The following GBP6 variants were observed in gnomAD, a reference collection of about 807,000 sequenced individuals.
GBP6 encodes guanylate-binding protein 6.
In GBP6, 54 loss-of-function variants were observed where a neutral mutation model predicts 61.5. The observed-to-expected ratio is 0.88, with a 90% CI of 0.71 to 1.10. The LOEUF is 1.10. GBP6 is among the 50% of genes least tolerant of loss of function. The pLI is 0.00. For synonymous variants in GBP6, 255 were observed against 273.7 expected (o/e 0.93, Z 0.67); for missense variants, 748 against 752.8 (o/e 0.99, Z 0.07).
chr1:89,379,958 T>G (rs184854863), intron 5 of GBP6, among the ~76,000 whole-genome samples: 6 of 152,286 alleles, frequency 3.9e-5, no homozygotes, highest in African/African-American at 9.6e-5. Flanking sequence ...GGCAACATAG[T>G]GAGACCCTGT....
Position 89,385,279 on chromosome 1 carries a change from T to A in GBP6, c.1712T>A (p.Met571Lys). The A allele has an allele frequency of 1.2e-6, 2 of 1,613,806 alleles. No homozygotes were observed. The highest frequency in any genetic ancestry group is 1.7e-6 in the Non-Finnish European group (2 of 1,179,684). ...GGATTTAAGAAGAAGTATGAGGAGA[T>A]GAATGCAGAGATAAGTCAATTTAAA... ...HEGFKKKYEE[M>K]NAEISQFKRM... The change falls in exon 11 of 11, where the codon ATG becomes AAG. Residue 571 changes from methionine (M) to lysine (K), a missense_variant. Physicochemically the swap from Met to Lys is moderately conservative, Grantham distance 95. Coordinates refer to ENST00000370456, the MANE Select transcript of GBP6 (RefSeq NM_198460.3).
intron 3 of GBP6, among the ~76,000 whole-genome samples, chr1:89,376,193 T>C (rs1408445523): frequency 6.6e-6 from 1 of 152,218 alleles, no homozygotes. Flanking sequence ...TTAAAATTCA[T>C]TCATCTGTTA....
At chr1:89,378,681 T>C (rs183892575) in intron 5 of GBP6, 68 bp downstream of exon 5, 245 of 1,224,164 alleles carry the variant, frequency 2.0e-4, no homozygotes, top group Non-Finnish European at 2.6e-4. Context: ...CTGCCCATCA[T>C]CTCTGGGGTT....
intron 3 of GBP6, among the ~76,000 whole-genome samples, chr1:89,373,992 C>T (rs1029465653): frequency 6.6e-6 from 1 of 151,940 alleles, no homozygotes; most frequent in African/African-American, 2.4e-5. Flanking sequence ...ATGCTATTCT[C>T]GTGATAGTGA....
intron 10 of GBP6, 146 bp downstream of exon 10, chr1:89,384,432 TC>T: frequency 3.2e-6 from 2 of 623,568 alleles, no homozygotes; most frequent in Non-Finnish European, 2.7e-6. Context: ...ATCCTTTTTT[TC>T]TTAATTGTTT....
Position 89,384,239 on chromosome 1 carries a change from G to T in GBP6, c.1615G>T (p.Glu539Ter), listed in dbSNP as rs760690058. 6.2e-7 allele frequency: 1 copy of T among 1,614,036 alleles called. No individual in the cohort carries two copies. The highest frequency in any genetic ancestry group is 1.1e-5 in the South Asian group (1 of 91,072). ...QLKEKLQMER[E>*]HLLREQIMML... The stretch of plus-strand genomic sequence containing the variant: ...GAAGGAGAAGCTGCAGATGGAGAGA[G>T]AACACCTACTGAGAGAGCAGATTAT... The change falls in exon 10 of 11, where the codon GAA (glutamate) becomes TAA (stop). Residue 539 changes from glutamate to a stop codon, truncating the protein, a stop_gained. Coordinates refer to ENST00000370456, the MANE Select transcript of GBP6 (RefSeq NM_198460.3). LOFTEE classifies it low-confidence loss of function (END_TRUNC).
rs1323264521 is a variant in GBP6 at position 89,387,509 on chromosome 1, C to G, written c.*2040C>G. Among the ~76,000 whole-genome samples, 1 of 152,294 alleles carries G rather than the reference C, an allele frequency of 6.6e-6. No individual in the cohort carries two copies. Among genetic ancestry groups the G allele is most frequent in the East Asian group, 1.9e-4 (1 of 5,190 alleles). On this transcript the variant is annotated 3_prime_UTR_variant, in exon 11 of 11. Coordinates refer to ENST00000370456, the MANE Select transcript of GBP6 (RefSeq NM_198460.3). The stretch of plus-strand genomic sequence containing the variant: ...GGCATAGGTTGTGCTAAATAAGCTT[C>G]TTTTATAAAAACAATAGGCTGATGC...
rs889118299 is a variant in GBP6 at position 89,388,055 on chromosome 1, G to T, written c.*2586G>T. ...TCTCTGTGAAACTGGGCCAAAGATA[G>T]AATTTTTTTTTCTGTGCTTTATACA... is the stretch of plus-strand genomic sequence containing the variant. On this transcript the variant is annotated 3_prime_UTR_variant, in exon 11 of 11. Transcript: ENST00000370456. Among the ~76,000 whole-genome samples the T allele has an allele frequency of 6.6e-6, 1 of 152,158 alleles. No individual in the cohort carries two copies. The highest frequency in any genetic ancestry group is 1.9e-4 in the East Asian group (1 of 5,200).
intron 8 of GBP6, 79 bp downstream of exon 8, chr1:89,382,955 G>C: frequency 1.2e-6 from 1 of 856,060 alleles, no homozygotes; most frequent in Non-Finnish European, 1.9e-6. Flanking sequence ...GGTAATAAGA[G>C]AGCAGAGGGA....
At chr1:89,369,718 A>C in intron 3 of GBP6, 45 bp downstream of exon 3, 2 of 1,574,188 alleles carry the variant, frequency 1.3e-6, no homozygotes, top group Non-Finnish European at 8.6e-7. Context: ...TCCAGACGTG[A>C]TCCTTGTAAT....
At position 89,380,696 on chromosome 1, in the gene GBP6, C is replaced by G. The variant is rs1007978948; in HGVS notation, c.871+65C>G. On this transcript the variant is annotated intron_variant, in intron 6 of 10. Transcript: ENST00000370456. ...GTTGAATATATTGTATAATGTGTTT[C>G]TCAGAATTTTTGTTAGATTCCATAT... 3 of 1,505,556 alleles carry G rather than the reference C, an allele frequency of 2.0e-6. No homozygotes were observed. In the African/African-American group the frequency reaches 4.2e-5, roughly 21 times the overall value. The allele number at this position is 1,505,556 out of a possible 1,614,324, so 93.3% of individuals were successfully genotyped here.
At chr1:89,371,525 A>T (rs1318290589) in intron 3 of GBP6, among the ~76,000 whole-genome samples, 1 of 152,212 alleles carries the variant, frequency 6.6e-6, no homozygotes, top group Non-Finnish European at 1.5e-5. Context: ...AAATCAATAA[A>T]CATAATCCAG....
chr1:89,369,515 C>G (rs760676094), intron 2 of GBP6, 31 bp from the exon 3 acceptor site: 1 of 1,606,670 alleles, frequency 6.2e-7, no homozygotes, highest in African/African-American at 1.3e-5. Context: ...CTCTGCTGTC[C>G]CTGTGCTTAG....
chr1:89,381,874 A>T lies in GBP6; in HGVS notation c.1052A>T (p.Glu351Val). ...RVKLPTDTLQELLDMHAACER... is the reference protein window; with the variant it reads ...RVKLPTDTLQVLLDMHAACER... ...AAGCTCCCCACAGACACGCTCCAGGAGCTGCTGGACATGCATGCGGCCTGT... is the reference window on the plus strand; with the variant it reads ...AAGCTCCCCACAGACACGCTCCAGGTGCTGCTGGACATGCATGCGGCCTGT... The change falls in exon 7 of 11, where the codon GAG becomes GTG. Residue 351 changes from glutamate to valine, a missense_variant. Transcript: ENST00000370456. 1 of 1,614,116 alleles carries T rather than the reference A, an allele frequency of 6.2e-7. No homozygotes were observed. The highest frequency in any genetic ancestry group is 1.1e-5 in the South Asian group (1 of 91,080).
chr1:89,383,594 C>T, intron 8 of GBP6, 58 bp from the exon 9 acceptor site: 1 of 1,227,964 alleles, frequency 8.1e-7, no homozygotes, highest in Non-Finnish European at 1.2e-6. Context: ...TCTTGCAACA[C>T]TAATACCCAG....
chr1:89,368,766 C>T (rs769414363), intron 2 of GBP6, 25 bp downstream of exon 2: 3 of 1,590,520 alleles, frequency 1.9e-6, no homozygotes, highest in Non-Finnish European at 2.6e-6. Flanking sequence ...GGGACACAGG[C>T]CAGTTGCTTG....
chr1:89,364,888 G>A (rs995005992), intron 1 of GBP6, among the ~76,000 whole-genome samples: 11 of 151,060 alleles, frequency 7.3e-5, no homozygotes, highest in African/African-American at 9.8e-5. Context: ...CTATCAATCC[G>A]TCATCTAGGT....
rs749611563 is a variant in GBP6, at chr1:89,380,397, A to G, written c.637A>G (p.Arg213Gly). The change falls in exon 6 of 11, where the codon AGA becomes GGA. Residue 213 changes from arginine to glycine, a missense_variant. Arg to Gly is a moderately radical substitution (Grantham distance 125). Transcript: ENST00000370456. ...ALKLIQGNNP[R>G]VQTSNFPREC... ...TTTTTATCCCTCAGGCAATAATCCC[A>G]GAGTTCAAACATCCAATTTTCCCAG... The G allele has an allele frequency of 5.0e-6, 8 of 1,613,330 alleles. No homozygotes were observed. In the African/African-American group the frequency reaches 1.1e-4, roughly 22 times the overall value.
intron 1 of GBP6, among the ~76,000 whole-genome samples, chr1:89,364,909 G>A (rs958221784): frequency 1.3e-5 from 2 of 151,280 alleles, no homozygotes; most frequent in Admixed American, 1.3e-4. Flanking sequence ...TTTAAGCCCC[G>A]CATGCATTAG....
Sources: gnomAD v4.1 joint callset for allele counts (sites outside exome capture counted in the v4.1 genomes callset) on GRCh38, gnomAD v4.1.1 for gene constraint, MANE v1.5 for transcripts, NCBI Gene and HGNC (gene_info 2026-07-23, HGNC 2026-07-21) for gene names.